The following ZFHX3 variants were observed in gnomAD, a reference collection of about 807,000 sequenced individuals.
ZFHX3 encodes the protein zinc finger homeobox protein 3.
Under a neutral mutation model 279.1 loss-of-function variants are expected in ZFHX3, and 42 were observed. The observed-to-expected ratio is 0.15, with a 90% CI of 0.12 to 0.19. The LOEUF is 0.19. Ranked by LOEUF, ZFHX3 falls within the 10% of genes least tolerant of loss-of-function variation. The probability of loss-of-function intolerance (pLI) is 1.00; values close to 1 mark genes in which losing one functional copy is unlikely to be tolerated. For synonymous variants in ZFHX3, 2,293 were observed against 1,957.8 expected, an observed-to-expected ratio of 1.17 and a Z score of -4.52; for missense variants, 4,981 against 4,754.0, an observed-to-expected ratio of 1.05 and a Z score of -1.40.
At chr16:73,697,217 C>CTTTT (rs78469043) in intron 1 of ZFHX3, among the ~76,000 whole-genome samples, 1 of 133,868 alleles carries the variant, frequency 7.5e-6, no homozygotes, top group African/African-American at 2.7e-5. Flanking sequence ...ATTCTAACCT[C>CTTTT]TTTTTTTTTT....
At chr16:73,253,356 G>C (rs996607094) in intron 5 of ZFHX3, among the ~76,000 whole-genome samples, 4 of 152,236 alleles carry the variant, frequency 2.6e-5, no homozygotes, top group African/African-American at 7.2e-5. Flanking sequence ...AATGGAAAGA[G>C]AAAGTTAAAT....
intron 5 of ZFHX3, among the ~76,000 whole-genome samples, chr16:72,812,791 C>CA (rs1370113472): frequency 6.6e-6 from 1 of 152,170 alleles, no homozygotes; most frequent in East Asian, 1.9e-4. Context: ...CCAAAAAAAC[C>CA]AAACGCTATT....
At chr16:73,852,980 A>C (rs1356367363) in intron 1 of ZFHX3, among the ~76,000 whole-genome samples, 2 of 152,152 alleles carry the variant, frequency 1.3e-5, no homozygotes, top group African/African-American at 4.8e-5. Flanking sequence ...AAACAAACAA[A>C]CAAACAAACA....
intron 2 of ZFHX3, among the ~76,000 whole-genome samples, chr16:73,661,723 G>GAAAA (rs112763443): frequency 7.0e-5 from 4 of 56,812 alleles, no homozygotes; most frequent in Non-Finnish European, 7.7e-5. Context: ...CTCCATCTCA[G>GAAAA]AAAAAAAAAA....
chr16:73,669,055 T>G (rs1450847323), intron 2 of ZFHX3, among the ~76,000 whole-genome samples: 1 of 151,168 alleles, frequency 6.6e-6, no homozygotes, highest in African/African-American at 2.4e-5. Context: ...TTATTATTTT[T>G]TTTCTTTTCT....
intron 3 of ZFHX3, among the ~76,000 whole-genome samples, chr16:72,890,375 C>T (rs992129939): frequency 1.3e-5 from 2 of 152,174 alleles, no homozygotes; most frequent in Non-Finnish European, 2.9e-5. Flanking sequence ...CTGAGGCCTC[C>T]CCACCCCTGC....
chr16:72,793,848 C>T lies in ZFHX3; in HGVS notation c.8834G>A (p.Gly2945Glu). 1 of 1,614,102 alleles carries T rather than the reference C, an allele frequency of 6.2e-7. No individual in the cohort carries two copies. Residue 2945 changes from glycine (G) to glutamate (E), a missense_variant, in exon 9 of 10, where the codon GGG becomes GAG. Physicochemically the swap from Gly to Glu is moderately conservative, Grantham distance 98. Coordinates refer to ENST00000268489, the MANE Select transcript of ZFHX3 (RefSeq NM_006885.4). The surrounding 1 kb of genome is among the most constrained non-coding windows in gnomAD (Gnocchi z 4.3). ...CATTTGAGTGCGAAAACGTTTCTGC[C>T]CAGGCCGATCTCCGCTGTCACCAGA... is the stretch of plus-strand genomic sequence containing the variant. ...GKSGDSGDRP[G>E]QKRFRTQMTN... is the part of the protein sequence containing the mutation.
At chr16:73,571,048 G>A (rs2051729543) in intron 2 of ZFHX3, among the ~76,000 whole-genome samples, 3 of 147,014 alleles carry the variant, frequency 2.0e-5, no homozygotes, top group African/African-American at 7.9e-5. Flanking sequence ...CTTTTCTATA[G>A]TTAAATTATA....
In ZFHX3 at chr16:73,321,070, A is replaced by C. The variant is rs939183589; in HGVS notation, c.-1290-2734T>G. ...TCATGGCAGAAAAGGGGGAAGGCACAGTGCTCTAAGACCTGCAGAAGGAGC... is the reference window on the plus strand; with the variant it reads ...TCATGGCAGAAAAGGGGGAAGGCACCGTGCTCTAAGACCTGCAGAAGGAGC... On this transcript the variant is annotated intron_variant, in intron 3 of 17. Coordinates refer to the ZFHX3 transcript ENST00000641206. Among the ~76,000 whole-genome samples the C allele has an allele frequency of 2.0e-5, 3 of 152,244 alleles. No homozygotes were observed. In the South Asian group the frequency reaches 6.2e-4, roughly 31 times the overall value.
At chr16:73,191,721 T>C (rs1039307319) in intron 5 of ZFHX3, among the ~76,000 whole-genome samples, 1 of 122,992 alleles carries the variant, frequency 8.1e-6, no homozygotes, top group Non-Finnish European at 1.7e-5. Flanking sequence ...CAGAGCTGTA[T>C]TTCTTTTTTT....
At position 72,894,984 on chromosome 16, in the gene ZFHX3, A is replaced by C. The variant is rs1597355103; in HGVS notation, c.3217-5022T>G. Among the ~76,000 whole-genome samples, 5 of 152,234 alleles carry C rather than the reference A, an allele frequency of 3.3e-5. No individual in the cohort carries two copies. In the South Asian group the frequency reaches 1.0e-3, roughly 32 times the overall value. On this transcript the variant is annotated intron_variant, in intron 3 of 9. Coordinates refer to ENST00000268489, the MANE Select transcript of ZFHX3 (RefSeq NM_006885.4). ...AGGAGTGTAATTTTAAAAAGAAAAC[A>C]AAACAACAGCTCCAACTGTGGGCAG...
intron 5 of ZFHX3, among the ~76,000 whole-genome samples, chr16:73,231,105 C>T (rs1288509959): frequency 6.6e-6 from 1 of 152,082 alleles, no homozygotes; most frequent in East Asian, 1.9e-4. Context: ...AGACTGGGAG[C>T]GGGGACCACC....
intron 1 of ZFHX3, among the ~76,000 whole-genome samples, chr16:72,987,021 GAGCACCTGT>G (rs1391373941): frequency 1.3e-5 from 2 of 152,070 alleles, no homozygotes; most frequent in Admixed American, 1.3e-4. Context: ...GTGTGGTGGC[GAGCACCTGT>G]AGCCCCAGTT....
At chr16:73,671,429 C>T (rs1484161396) in intron 2 of ZFHX3, among the ~76,000 whole-genome samples, 1 of 152,182 alleles carries the variant, frequency 6.6e-6, no homozygotes, top group Admixed American at 6.6e-5. Context: ...AAAGATGAAC[C>T]ATCACCACCT....
chr16:73,858,208 A>G (rs1272238219), intron 1 of ZFHX3, among the ~76,000 whole-genome samples: 1 of 152,190 alleles, frequency 6.6e-6, no homozygotes, highest in African/African-American at 2.4e-5. Flanking sequence ...TGGGGCATCC[A>G]ATACAAGAAA....
intron 1 of ZFHX3, among the ~76,000 whole-genome samples, chr16:72,988,330 G>T (rs372376135): frequency 1.3e-5 from 2 of 152,120 alleles, no homozygotes; most frequent in East Asian, 3.9e-4. Flanking sequence ...TACTCTTCCC[G>T]CTCCCACCTT....
chr16:73,573,586 G>T (rs1042015643), intron 2 of ZFHX3, among the ~76,000 whole-genome samples: 11 of 152,182 alleles, frequency 7.2e-5, no homozygotes, highest in Admixed American at 5.9e-4. Context: ...TACAGTCGTG[G>T]TTCATACAGT....
At chr16:73,325,557 G>A (rs944267779) in intron 3 of ZFHX3, among the ~76,000 whole-genome samples, 5 of 152,116 alleles carry the variant, frequency 3.3e-5, no homozygotes, top group African/African-American at 1.2e-4. Context: ...CTTGCTTCAA[G>A]GTAGGTGCGA....
At chr16:73,402,716 A>G (rs2017281516) in intron 3 of ZFHX3, among the ~76,000 whole-genome samples, 1 of 152,178 alleles carries the variant, frequency 6.6e-6, no homozygotes, top group Non-Finnish European at 1.5e-5. Flanking sequence ...CCTTTTTTAA[A>G]GCAGGGACAG....
Sources: allele counts gnomAD v4.1 joint callset (sites outside exome capture counted in the v4.1 genomes callset), GRCh38; gene constraint gnomAD v4.1.1; non-coding constraint Gnocchi (gnomAD v3.1); transcripts MANE v1.5; gene names NCBI Gene and HGNC (gene_info 2026-07-23, HGNC 2026-07-21).